Variants in FN3K observed in about 807,000 individuals in gnomAD.
FN3K encodes fructosamine 3 kinase.
Under a neutral mutation model 24.8 loss-of-function variants are expected in FN3K, and 24 were observed. That is an observed-to-expected ratio of 0.97 (90% CI 0.70 to 1.36). The LOEUF is 1.36. Among genes scored for constraint, FN3K ranks in the 40% most tolerant of loss-of-function variants. The probability of loss-of-function intolerance (pLI) is 0.00; values close to 1 mark genes in which losing one functional copy is unlikely to be tolerated. For missense variants in FN3K, 449 were observed against 416.7 expected, an observed-to-expected ratio of 1.08 and a Z score of -0.67; for synonymous variants, 192 against 175.2, an observed-to-expected ratio of 1.10 and a Z score of -0.76.
chr17:82,747,776 T>C (rs2046976760), intron 4 of FN3K, among the ~76,000 whole-genome samples: 1 of 152,062 alleles, frequency 6.6e-6, no homozygotes, highest in South Asian at 2.1e-4. Flanking sequence ...TCTGTTTGCA[T>C]GGAGAGAGAA....
At chr17:82,749,078 C>T (rs2143654015) in intron 5 of FN3K, 101 bp downstream of exon 5, 3 of 1,545,932 alleles carry the variant, frequency 1.9e-6, no homozygotes, top group Non-Finnish European at 2.6e-6. Context: ...GCAGGGAACA[C>T]TGAGTCCTGG....
In FN3K at chr17:82,750,457, C is replaced by T; in HGVS notation, c.632C>T (p.Pro211Leu). ...CTGTTTTGTGGCCTAGAGATTGTCCCCGCGTTGCTCCACGGGGATCTCTGG... is the reference window on the plus strand; with the variant it reads ...CTGTTTTGTGGCCTAGAGATTGTCCTCGCGTTGCTCCACGGGGATCTCTGG... ...PDLFCGLEIV[P>L]ALLHGDLWSG... is the part of the protein sequence containing the mutation. The change falls in exon 6 of 6, where the codon CCC becomes CTC. Residue 211 changes from proline to leucine, a missense_variant. Pro to Leu is a moderately conservative substitution (Grantham distance 98, BLOSUM62 -3). Transcript: ENST00000300784. 2 of 1,614,196 alleles carry T rather than the reference C, an allele frequency of 1.2e-6. No homozygotes were observed. The highest frequency in any genetic ancestry group is 1.7e-6 in the Non-Finnish European group (2 of 1,180,034).
chr17:82,740,880 C>T, intron 3 of FN3K, 26 bp downstream of exon 3: 3 of 1,530,576 alleles, frequency 2.0e-6, no homozygotes, highest in Non-Finnish European at 2.7e-6. Context: ...TTTTGGGTAC[C>T]CTTGATCCAG....
chr17:82,750,458 C>T lies in FN3K; in HGVS notation c.633C>T (p.Pro211=). Residue 211 remains proline (P), a synonymous_variant, in exon 6 of 6, where the codon CCC becomes CCT. Transcript: ENST00000300784. ...TGTTTTGTGGCCTAGAGATTGTCCC[C>T]GCGTTGCTCCACGGGGATCTCTGGT... ...PDLFCGLEIV[P]ALLHGDLWSG... is the part of the protein sequence containing the mutation. 6.2e-7 allele frequency: 1 copy of T among 1,614,178 alleles called. No homozygotes were observed. Among genetic ancestry groups the T allele is most frequent in the Non-Finnish European group, 8.5e-7 (1 of 1,180,024 alleles).
At position 82,748,953 on chromosome 17, in the gene FN3K, A is replaced by G; in HGVS notation, c.567A>G (p.Ala189=). 3 of 1,614,194 alleles carry G rather than the reference A, an allele frequency of 1.9e-6. No homozygotes were observed. Among genetic ancestry groups the G allele is most frequent in the Non-Finnish European group, 2.5e-6 (3 of 1,180,036 alleles). Residue 189 remains alanine (A), a synonymous_variant, in exon 5 of 6, where the codon GCA becomes GCG. Coordinates refer to ENST00000300784, the MANE Select transcript of FN3K (RefSeq NM_022158.4). ...LIEKDYADRE[A]RELWSRLQVK... is the part of the protein sequence containing the mutation. ...AGAAGGACTATGCTGACCGAGAGGC[A>G]CGAGAACTCTGGTCCCGGCTACAGG...
intron 1 of FN3K, among the ~76,000 whole-genome samples, chr17:82,737,544 A>T (rs540237054): frequency 6.6e-6 from 1 of 152,096 alleles, no homozygotes; most frequent in African/African-American, 2.4e-5. Context: ...GGATGGTCTC[A>T]ATCTCCTGAC....
intron 4 of FN3K, 200 bp downstream of exon 4, chr17:82,741,593 G>A: frequency 1.8e-6 from 1 of 544,550 alleles, no homozygotes; most frequent in East Asian, 3.4e-5. Context: ...CATGGGACAT[G>A]CTGGGGCAGG....
Position 82,735,625 on chromosome 17 carries a change from G to A in FN3K, c.-12G>A, listed in dbSNP as rs771192085. ...GGCTTCCGAGCGAGCAGAGTCCCGC[G>A]CCCCGCACTCCATGGAGCAGCTGCT... On this transcript the variant is annotated 5_prime_UTR_variant, in exon 1 of 6. Coordinates refer to ENST00000300784, the MANE Select transcript of FN3K (RefSeq NM_022158.4). 2.6e-6 allele frequency: 4 copies of A among 1,517,452 alleles called. No homozygotes were observed. The highest frequency in any genetic ancestry group is 2.6e-5 in the East Asian group (1 of 38,198). The allele number at this position is 1,517,452 out of a possible 1,614,324, so 94.0% of individuals were successfully genotyped here.
chr17:82,748,134 C>G (rs1416542817), intron 4 of FN3K, among the ~76,000 whole-genome samples: 1 of 149,392 alleles, frequency 6.7e-6, no homozygotes, highest in African/African-American at 2.5e-5. Flanking sequence ...TGTAGCCACT[C>G]TAGCTTTCTT....
At chr17:82,739,444 C>T (rs1347567165) in intron 2 of FN3K, among the ~76,000 whole-genome samples, 1 of 148,218 alleles carries the variant, frequency 6.7e-6, no homozygotes, top group Non-Finnish European at 1.5e-5. Flanking sequence ...ACCCCACCAC[C>T]TCACGCAGCT....
In FN3K at chr17:82,750,897, CATCCTCCT is replaced by C. The variant is rs1234658809; in HGVS notation, c.*143_*150del. On this transcript the variant is annotated 3_prime_UTR_variant, in exon 6 of 6. Transcript: ENST00000300784. ...CTCCGTCTCCATCCCCCCGTCCCCC[CATCCTCCT>C]GTCCCCGTCCCCCCGTCCCCGTCCC... 3 of 525,248 alleles carry C rather than the reference CATCCTCCT, an allele frequency of 5.7e-6. No homozygotes were observed. Among genetic ancestry groups the C allele is most frequent in the African/African-American group, 6.3e-5 (2 of 31,958 alleles). 32.5% of individuals were successfully genotyped at this position (525,248 alleles called of 1,614,324 possible). A position where few individuals can be genotyped will look rare whatever the true frequency, so the allele number is the denominator to read the frequency against.
At chr17:82,743,462 A>G (rs1283780345) in intron 4 of FN3K, among the ~76,000 whole-genome samples, 1 of 152,060 alleles carries the variant, frequency 6.6e-6, no homozygotes, top group Admixed American at 6.5e-5. Context: ...CAGGTTCCGG[A>G]GGCTTCCCAC....
intron 4 of FN3K, among the ~76,000 whole-genome samples, chr17:82,745,938 C>G (rs993441175): frequency 6.6e-6 from 1 of 151,774 alleles, no homozygotes; most frequent in African/African-American, 2.4e-5. Flanking sequence ...CTAAAAAATA[C>G]AAAAAATTAA....
At chr17:82,749,119 GC>G in intron 5 of FN3K, 142 bp downstream of exon 5, 4 of 1,351,594 alleles carry the variant, frequency 3.0e-6, no homozygotes, top group Non-Finnish European at 4.1e-6. Flanking sequence ...GGGGGCAGGG[GC>G]GGGGGTTCCC....
At chr17:82,740,575 G>T (rs2046935724) in intron 2 of FN3K, among the ~76,000 whole-genome samples, 188 bp from the exon 3 acceptor site, 1 of 152,156 alleles carries the variant, frequency 6.6e-6, no homozygotes, top group Admixed American at 6.6e-5. Context: ...CTGGATGACA[G>T]AGCAAGGCCT....
In FN3K at chr17:82,735,623, G is replaced by T; in HGVS notation, c.-14G>T. ...GGGGCTTCCGAGCGAGCAGAGTCCC[G>T]CGCCCCGCACTCCATGGAGCAGCTG... On this transcript the variant is annotated 5_prime_UTR_variant, in exon 1 of 6. Coordinates refer to ENST00000300784, the MANE Select transcript of FN3K (RefSeq NM_022158.4). The T allele has an allele frequency of 6.6e-7, 1 of 1,510,732 alleles. No homozygotes were observed. The highest frequency in any genetic ancestry group is 8.8e-7 in the Non-Finnish European group (1 of 1,137,938). 93.6% of individuals were successfully genotyped at this position (1,510,732 alleles called of 1,614,324 possible).
Position 82,738,927 on chromosome 17 carries a change from T to C in FN3K, c.293+287T>C, listed in dbSNP as rs745738777. On this transcript the variant is annotated intron_variant, in intron 2 of 5. Transcript: ENST00000300784. ...TGCATAAAATATATATATATACACA[T>C]ATATATATATATATATATATTTTTT... Among the ~76,000 whole-genome samples, 213 of 23,582 alleles carry C rather than the reference T, an allele frequency of 9.0e-3. 9 individuals are homozygous for C. Among genetic ancestry groups the C allele is most frequent in the East Asian group, 0.019 (19 of 998 alleles). The allele number at this position is 23,582 out of a possible 152,430, so 15.5% of individuals were successfully genotyped here. A position where few individuals can be genotyped will look rare whatever the true frequency, so the allele number is the denominator to read the frequency against.
At chr17:82,738,946 ATTTT>A (rs539276396) in intron 2 of FN3K, among the ~76,000 whole-genome samples, 946 of 86,134 alleles carry the variant, frequency 0.011, 40 homozygotes, top group African/African-American at 0.03. Context: ...ATATATATAT[ATTTT>A]TTTTTTTTTT....
At position 82,750,857 on chromosome 17, in the gene FN3K, C is replaced by G. The variant is rs2047021643; in HGVS notation, c.*102C>G. The G allele has an allele frequency of 4.9e-6, 4 of 816,934 alleles. No individual in the cohort carries two copies. Among genetic ancestry groups the G allele is most frequent in the African/African-American group, 4.9e-5 (2 of 40,712 alleles). The allele number at this position is 816,934 out of a possible 1,614,324, so 50.6% of individuals were successfully genotyped here. On this transcript the variant is annotated 3_prime_UTR_variant, in exon 6 of 6. Coordinates refer to ENST00000300784, the MANE Select transcript of FN3K (RefSeq NM_022158.4). ...GTGCCCCCGTCCCTGTCCCCCTGTTCCCGTCTCCCCGTCCCTCCGTCTCCA... is the reference window on the plus strand; with the variant it reads ...GTGCCCCCGTCCCTGTCCCCCTGTTGCCGTCTCCCCGTCCCTCCGTCTCCA...
Sources: allele counts gnomAD v4.1 joint callset (sites outside exome capture counted in the v4.1 genomes callset), GRCh38; gene constraint gnomAD v4.1.1; transcripts MANE v1.5; gene names NCBI Gene and HGNC (gene_info 2026-07-23, HGNC 2026-07-21).